The following ADAM2 variants were observed in gnomAD, a reference collection of about 807,000 sequenced individuals.
ADAM2 encodes disintegrin and metalloproteinase domain-containing protein 2.
Under a neutral mutation model 99.3 loss-of-function variants are expected in ADAM2, and 101 were observed. The observed-to-expected ratio is 1.02, with a 90% CI of 0.87 to 1.20. The LOEUF is 1.20. Among genes scored for constraint, ADAM2 ranks in the 50% most tolerant of loss-of-function variants. The pLI, the probability that ADAM2 is intolerant of heterozygous loss-of-function variation, is 0.00. For missense variants in ADAM2, 948 were observed against 878.7 expected (o/e 1.08, Z -1.00); for synonymous variants, 323 against 287.6 (o/e 1.12, Z -1.25).
intron 14 of ADAM2, among the ~76,000 whole-genome samples, chr8:39,763,959 T>C (rs1802468142): frequency 6.6e-6 from 1 of 152,234 alleles, no homozygotes; most frequent in Non-Finnish European, 1.5e-5. Flanking sequence ...AAACCTATTG[T>C]TCACTCTGGG....
intron 10 of ADAM2, among the ~76,000 whole-genome samples, chr8:39,782,685 T>C (rs901482530): frequency 2.6e-5 from 4 of 152,174 alleles, no homozygotes; most frequent in Admixed American, 2.6e-4. Context: ...CTTATATGTG[T>C]AATGTCTATA....
chr8:39,770,339 G>A (rs928347359), intron 11 of ADAM2, among the ~76,000 whole-genome samples: 5 of 152,148 alleles, frequency 3.3e-5, no homozygotes, highest in African/African-American at 9.7e-5. Flanking sequence ...CAATAGCTCC[G>A]ATATTTGTTT....
chr8:39,744,784 C>A, intron 20 of ADAM2, 46 bp downstream of exon 20: 1 of 1,280,310 alleles, frequency 7.8e-7, no homozygotes, highest in Non-Finnish European at 1.1e-6. Context: ...ACCTGTGTCC[C>A]AGTACTTAAA....
rs34133622 is a variant in ADAM2, at chr8:39,797,422, C to T, written c.571-8682G>A. ...CACTGGTCTATATGTCTGCTTGGTA[C>T]CAGTACCATGCTGTTTTGCTTACTG... On this transcript the variant is annotated intron_variant, in intron 7 of 20. Transcript: ENST00000265708. 1.5e-3 allele frequency among the ~76,000 whole-genome samples: 233 copies of T among 152,242 alleles called. 2 individuals are homozygous for T. The highest frequency in any genetic ancestry group is 3.5e-3 in the East Asian group (18 of 5,176).
Position 39,824,783 on chromosome 8 carries a change from AC to A in ADAM2, c.267+35del, listed in dbSNP as rs1459213374. The stretch of plus-strand genomic sequence containing the variant: ...CTAAATAAGGTGATCATAGACACTC[AC>A]ATGACAAAAATAAAAGAGATCATAA... On this transcript the variant is annotated intron_variant, in intron 4 of 20. Coordinates refer to ENST00000265708, the MANE Select transcript of ADAM2 (RefSeq NM_001464.5). 5 of 1,117,374 alleles carry A rather than the reference AC, an allele frequency of 4.5e-6. No individual in the cohort carries two copies. In the African/African-American group the frequency reaches 4.7e-5, roughly 10 times the overall value. The allele number at this position is 1,117,374 out of a possible 1,614,324, so 69.2% of individuals were successfully genotyped here. A position where few individuals can be genotyped will look rare whatever the true frequency, so the allele number is the denominator to read the frequency against.
intron 11 of ADAM2, among the ~76,000 whole-genome samples, chr8:39,774,071 A>G (rs1296803004): frequency 6.6e-6 from 1 of 152,008 alleles, no homozygotes; most frequent in Non-Finnish European, 1.5e-5. Context: ...ATTTCAATGT[A>G]TCAACAGAAT....
chr8:39,772,879 A>T (rs1586078681), intron 11 of ADAM2, among the ~76,000 whole-genome samples: 1 of 151,960 alleles, frequency 6.6e-6, no homozygotes, highest in African/African-American at 2.4e-5. Flanking sequence ...GAATATTAAT[A>T]TAACCTATAT....
chr8:39,808,680 GGCC>G (rs1804557593), intron 7 of ADAM2, among the ~76,000 whole-genome samples: 3 of 152,152 alleles, frequency 2.0e-5, no homozygotes, highest in Admixed American at 6.5e-5. Flanking sequence ...CACTTTGGGA[GGCC>G]GAGGCAGGTG....
rs1180509182 is a variant in ADAM2, at chr8:39,753,215, G to A, written c.1797+2513C>T. 2.0e-5 allele frequency among the ~76,000 whole-genome samples: 3 copies of A among 152,192 alleles called. No homozygotes were observed. In the South Asian group the frequency reaches 6.2e-4, roughly 31 times the overall value. ...GGCTTAGATGGTCTCAGATGGAAATGAGGAACTTCTTAGGAACTGGAGAAA... is the reference window on the plus strand; with the variant it reads ...GGCTTAGATGGTCTCAGATGGAAATAAGGAACTTCTTAGGAACTGGAGAAA... On this transcript the variant is annotated intron_variant, in intron 16 of 20. Transcript: ENST00000265708.
intron 10 of ADAM2, among the ~76,000 whole-genome samples, chr8:39,785,289 G>A (rs76650751): frequency 0.013 from 1,925 of 152,262 alleles, 26 homozygotes; most frequent in Non-Finnish European, 0.017. Flanking sequence ...CTAATCATTA[G>A]AGAAATGCAA....
intron 14 of ADAM2, among the ~76,000 whole-genome samples, 179 bp from the exon 15 acceptor site, chr8:39,761,460 T>C (rs536997182): frequency 6.6e-6 from 1 of 152,326 alleles, no homozygotes; most frequent in East Asian, 1.9e-4. Flanking sequence ...ATGAAATGTT[T>C]AAAAATTGAA....
Position 39,744,878 on chromosome 8 carries a change from C to T in ADAM2, c.2190G>A (p.Glu730=), listed in dbSNP as rs763983947. 6 of 1,603,000 alleles carry T rather than the reference C, an allele frequency of 3.7e-6. No individual in the cohort carries two copies. The highest frequency in any genetic ancestry group is 1.7e-5 in the Admixed American group (1 of 58,648). Residue 730 remains glutamate (E), a synonymous_variant, in exon 20 of 21, where the codon GAG becomes GAA. Transcript: ENST00000265708. ...DYSSDEQPES[E]SEPKG is the part of the protein sequence containing the mutation. The stretch of plus-strand genomic sequence containing the variant: ...GTCCAGACTACCCTTTAGGTTCACT[C>T]TCACTTTCAGGTTGCCTGCATATTA...
Position 39,824,853 on chromosome 8 carries a change from G to A in ADAM2, c.233C>T (p.Thr78Ile). 1 of 1,578,196 alleles carries A rather than the reference G, an allele frequency of 6.3e-7. No homozygotes were observed. The highest frequency in any genetic ancestry group is 8.7e-7 in the Non-Finnish European group (1 of 1,153,344). Residue 78 changes from threonine (T) to isoleucine (I), a missense_variant, in exon 4 of 21, where the codon ACA becomes ATA. Thr to Ile is a moderately conservative substitution (Grantham distance 89, BLOSUM62 -1). Coordinates refer to ENST00000265708, the MANE Select transcript of ADAM2 (RefSeq NM_001464.5). ...HNFRVYSYSG[T>I]GIMKPLDQDF... The stretch of plus-strand genomic sequence containing the variant: ...TTGGTCAAGTGGTTTCATAATTCCT[G>A]TGCCACTATAACTGTAAACTCTAAA...
intron 7 of ADAM2, among the ~76,000 whole-genome samples, chr8:39,792,120 A>G (rs1803740829): frequency 6.6e-6 from 1 of 151,880 alleles, no homozygotes; most frequent in African/African-American, 2.4e-5. Flanking sequence ...AACCCAAGGC[A>G]CAATACAAGA....
intron 7 of ADAM2, among the ~76,000 whole-genome samples, chr8:39,790,208 G>T (rs369317049): frequency 2.0e-5 from 3 of 151,964 alleles, no homozygotes; most frequent in African/African-American, 4.8e-5. Flanking sequence ...GAGTTAAAAT[G>T]CATGGCCACA....
At chr8:39,795,445 T>C (rs1347344597) in intron 7 of ADAM2, among the ~76,000 whole-genome samples, 3 of 152,170 alleles carry the variant, frequency 2.0e-5, no homozygotes, top group Admixed American at 6.5e-5. Context: ...ATCTGCATGA[T>C]AAAACCTTGG....
chr8:39,747,997 T>C (rs1823544612), intron 18 of ADAM2, among the ~76,000 whole-genome samples: 2 of 152,176 alleles, frequency 1.3e-5, no homozygotes, highest in Non-Finnish European at 2.9e-5. Context: ...TTTTATTATT[T>C]ATTGCTGTAT....
chr8:39,763,510 C>T (rs1350270354), intron 14 of ADAM2, among the ~76,000 whole-genome samples: 1 of 152,184 alleles, frequency 6.6e-6, no homozygotes, highest in East Asian at 1.9e-4. Context: ...AATTAAAATG[C>T]TAATGAGAAA....
chr8:39,769,531 T>A lies in ADAM2; in HGVS notation c.1073A>T (p.Asp358Val). 1 of 1,613,874 alleles carries A rather than the reference T, an allele frequency of 6.2e-7. No individual in the cohort carries two copies. The highest frequency in any genetic ancestry group is 1.1e-5 in the South Asian group (1 of 91,064). The change falls in exon 12 of 21, where the codon GAC becomes GTC. Residue 358 changes from aspartate to valine, a missense_variant. Physicochemically the swap from Asp to Val is radical, Grantham distance 152 (BLOSUM62 -3). Transcript: ENST00000265708. ...CTGCTTTGAAATAAAATGTGCAAAG[T>A]CTTCGAAGCTGCAGTTACTAAAGAT... ...VKIFSNCSFE[D>V]FAHFISKQKS...
Sources: gnomAD v4.1 joint callset for allele counts (sites outside exome capture counted in the v4.1 genomes callset) on GRCh38, gnomAD v4.1.1 for gene constraint, MANE v1.5 for transcripts, NCBI Gene and HGNC (gene_info 2026-07-23, HGNC 2026-07-21) for gene names.